FAM107B: variants seen among roughly 807,000 people sequenced by gnomAD.
FAM107B encodes the protein protein FAM107B.
In FAM107B, 21 loss-of-function variants were observed where a neutral mutation model predicts 31.5. The observed-to-expected ratio is 0.67, with a 90% CI of 0.47 to 0.96. FAM107B has a LOEUF of 0.96. Ranked by LOEUF, FAM107B falls within the 40% of genes least tolerant of loss-of-function variation. The pLI, the probability that FAM107B is intolerant of heterozygous loss-of-function variation, is 0.00. For synonymous variants in FAM107B, 157 were observed against 141.5 expected (o/e 1.11, Z -0.78); for missense variants, 452 against 377.1 (o/e 1.20, Z -1.64).
chr10:14,688,396 A>G (rs560658231), intron 1 of FAM107B, among the ~76,000 whole-genome samples: 2 of 152,252 alleles, frequency 1.3e-5, no homozygotes, highest in Middle Eastern at 3.4e-3. Context: ...TTTCATGTAT[A>G]CATCTGTCCT....
At chr10:14,647,235 A>G (rs1853779015) in intron 2 of FAM107B, among the ~76,000 whole-genome samples, 1 of 152,216 alleles carries the variant, frequency 6.6e-6, no homozygotes, top group East Asian at 1.9e-4. Flanking sequence ...AAAATATTTT[A>G]AAAGGTACAG....
At chr10:14,725,031 A>T (rs1855999141) in intron 1 of FAM107B, among the ~76,000 whole-genome samples, 1 of 152,266 alleles carries the variant, frequency 6.6e-6, no homozygotes, top group African/African-American at 2.4e-5. Context: ...GAAACATATG[A>T]TTTAGATTTC....
At chr10:14,634,399 C>CAA (rs59139195) in intron 2 of FAM107B, among the ~76,000 whole-genome samples, 5 of 116,646 alleles carry the variant, frequency 4.3e-5, no homozygotes, top group African/African-American at 6.3e-5. Context: ...GACTCTGTCT[C>CAA]AAAAAAAAAA....
At chr10:14,576,476 A>T (rs1851468993) in intron 2 of FAM107B, among the ~76,000 whole-genome samples, 2 of 152,096 alleles carry the variant, frequency 1.3e-5, no homozygotes, top group Admixed American at 6.6e-5. Flanking sequence ...GCAGTGAGGG[A>T]AGATCACGCA....
chr10:14,604,603 G>A (rs1175945572), intron 2 of FAM107B, among the ~76,000 whole-genome samples: 1 of 151,818 alleles, frequency 6.6e-6, no homozygotes, highest in East Asian at 2.0e-4. Context: ...CTCGGCCTCC[G>A]GGACTCGGTG....
chr10:14,696,263 G>A (rs999519933), intron 1 of FAM107B, among the ~76,000 whole-genome samples: 24 of 152,110 alleles, frequency 1.6e-4, no homozygotes, highest in Admixed American at 1.4e-3. Context: ...TTTTAATCTC[G>A]CATTCTGTTA....
chr10:14,767,581 T>C (rs1232093057), intron 1 of FAM107B, among the ~76,000 whole-genome samples: 1 of 152,016 alleles, frequency 6.6e-6, no homozygotes, highest in Non-Finnish European at 1.5e-5. Flanking sequence ...TGTGATCATC[T>C]CAATTGATGT....
At chr10:14,660,663 A>G (rs1418610366) in intron 2 of FAM107B, among the ~76,000 whole-genome samples, 2 of 152,252 alleles carry the variant, frequency 1.3e-5, no homozygotes, top group African/African-American at 2.4e-5. Flanking sequence ...ATCTTATTCA[A>G]TACCAATGCT....
intron 2 of FAM107B, among the ~76,000 whole-genome samples, chr10:14,603,809 G>A (rs143537075): frequency 0.013 from 1,985 of 152,046 alleles, 20 homozygotes; most frequent in South Asian, 0.03. Context: ...CTGCCTGGCG[G>A]GGGCTGGCGT....
At chr10:14,689,660 T>C (rs559416757) in intron 1 of FAM107B, among the ~76,000 whole-genome samples, 1 of 152,228 alleles carries the variant, frequency 6.6e-6, no homozygotes. Context: ...TTTTAATTTT[T>C]GTTTAAAAAA....
At chr10:14,622,110 C>A (rs917269812) in intron 2 of FAM107B, among the ~76,000 whole-genome samples, 2 of 152,092 alleles carry the variant, frequency 1.3e-5, no homozygotes, top group Non-Finnish European at 1.5e-5. Context: ...TAATAAAGTC[C>A]ATCTTTCAAT....
chr10:14,689,727 G>A (rs1855081468), intron 1 of FAM107B, among the ~76,000 whole-genome samples: 2 of 152,176 alleles, frequency 1.3e-5, no homozygotes, highest in Admixed American at 1.3e-4. Flanking sequence ...TTGGGAGGCT[G>A]AGGCAGGAGG....
In FAM107B at chr10:14,614,694, A is replaced by G. The variant is rs202037987; in HGVS notation, c.469+52940T>C. ...TCTGTCTCAAAAAAAAAAAAAAAAA[A>G]AGAGACTTAGAGAAGGAATGGCCAG... On this transcript the variant is annotated intron_variant, in intron 2 of 4. Transcript: ENST00000181796. Among the ~76,000 whole-genome samples the G allele has an allele frequency of 1.0e-3, 151 of 151,362 alleles. 2 individuals carry two copies. In the East Asian group the frequency reaches 0.019, roughly 19 times the overall value.
intron 1 of FAM107B, among the ~76,000 whole-genome samples, chr10:14,743,922 G>A (rs1240741336): frequency 6.6e-6 from 1 of 152,140 alleles, no homozygotes; most frequent in Non-Finnish European, 1.5e-5. Context: ...GAATAGCACT[G>A]AATCTATAAA....
At chr10:14,749,929 A>T (rs1482466042) in intron 1 of FAM107B, among the ~76,000 whole-genome samples, 1 of 152,220 alleles carries the variant, frequency 6.6e-6, no homozygotes, top group Non-Finnish European at 1.5e-5. Context: ...AGATAGGTCT[A>T]ATCCCACCTG....
chr10:14,685,986 T>C (rs1482395038), intron 1 of FAM107B, among the ~76,000 whole-genome samples: 1 of 152,162 alleles, frequency 6.6e-6, no homozygotes. Context: ...CCATCAGATC[T>C]TGTGGGACCT....
chr10:14,696,369 T>G (rs1234166151), intron 1 of FAM107B, among the ~76,000 whole-genome samples: 1 of 152,252 alleles, frequency 6.6e-6, no homozygotes, highest in African/African-American at 2.4e-5. Flanking sequence ...ATCTTTTTGA[T>G]GTATTCTTGG....
In FAM107B at chr10:14,774,695, G is replaced by A. The variant is rs1223702897; in HGVS notation, c.-32C>T. On this transcript the variant is annotated 5_prime_UTR_variant, in exon 1 of 5. Transcript: ENST00000181796. ...CAGTGAATCATTGCAAAGTTCAAAC[G>A]GGGCAAGGAAATTTTCCAGGGGTCC... 1.4e-5 allele frequency: 22 copies of A among 1,586,542 alleles called. No individual in the cohort carries two copies. Among genetic ancestry groups the A allele is most frequent in the Admixed American group, 1.4e-4 (8 of 57,762 alleles).
At chr10:14,539,009 C>T (rs533946758) in intron 2 of FAM107B, among the ~76,000 whole-genome samples, 14 of 152,348 alleles carry the variant, frequency 9.2e-5, no homozygotes, top group Admixed American at 3.9e-4. Context: ...AAAACATCTA[C>T]CATCCACAGT....
Sources: gnomAD v4.1 joint callset for allele counts (sites outside exome capture counted in the v4.1 genomes callset) on GRCh38, gnomAD v4.1.1 for gene constraint, MANE v1.5 for transcripts, NCBI Gene and HGNC (gene_info 2026-07-23, HGNC 2026-07-21) for gene names.